EHD4: variants seen among roughly 807,000 people sequenced by gnomAD.
EHD4 encodes EH domain containing 4, also known as EH domain-containing protein 4.
In EHD4, 37 loss-of-function variants were observed where a neutral mutation model predicts 51.0. The ratio of observed to expected loss-of-function variants is 0.73; its 90% CI spans 0.56 to 0.95. The LOEUF is 0.95. EHD4 is among the 40% of genes least tolerant of loss of function. The probability of loss-of-function intolerance (pLI) is 0.00; values close to 1 mark genes in which losing one functional copy is unlikely to be tolerated. For synonymous variants in EHD4, 297 were observed against 317.3 expected (o/e 0.94, Z 0.68); for missense variants, 632 against 733.1 (o/e 0.86, Z 1.59).
At chr15:41,904,197 C>A (rs2067497317) in intron 5 of EHD4, among the ~76,000 whole-genome samples, 1 of 152,186 alleles carries the variant, frequency 6.6e-6, no homozygotes. Flanking sequence ...TGATGCCTGC[C>A]CAAACTTCCC....
At chr15:41,952,394 G>A (rs368103002) in intron 2 of EHD4, among the ~76,000 whole-genome samples, 20 of 152,268 alleles carry the variant, frequency 1.3e-4, no homozygotes, top group East Asian at 9.6e-4. Flanking sequence ...TCAGCCACAC[G>A]AAAGCTAGAC....
At chr15:41,934,343 G>A (rs1286701608) in intron 3 of EHD4, among the ~76,000 whole-genome samples, 1 of 147,934 alleles carries the variant, frequency 6.8e-6, no homozygotes, top group Non-Finnish European at 1.5e-5. Context: ...AATAAATGGA[G>A]TTTTGCTCTG....
At chr15:41,944,478 C>T (rs1166723620) in intron 2 of EHD4, among the ~76,000 whole-genome samples, 1 of 152,170 alleles carries the variant, frequency 6.6e-6, no homozygotes, top group East Asian at 1.9e-4. Context: ...AGTAAAAATG[C>T]TGGGAATGCA....
chr15:41,953,644 A>G (rs2067867309), intron 2 of EHD4, 120 bp downstream of exon 2: 2 of 1,095,596 alleles, frequency 1.8e-6, no homozygotes, highest in Non-Finnish European at 2.6e-6. Context: ...CATATTTTGT[A>G]TGACTTCTAG....
At chr15:41,913,584 G>T (rs2067563874) in intron 4 of EHD4, among the ~76,000 whole-genome samples, 1 of 152,184 alleles carries the variant, frequency 6.6e-6, no homozygotes, top group Admixed American at 6.5e-5. Flanking sequence ...GAGAATAAAA[G>T]AGGTCATGTA....
chr15:41,971,839 AAATG>A (rs1422307571), intron 1 of EHD4, among the ~76,000 whole-genome samples: 1 of 152,256 alleles, frequency 6.6e-6, no homozygotes, highest in Admixed American at 6.5e-5. Context: ...ATAGTTGAAC[AAATG>A]AATAGTTAAA....
At chr15:41,965,546 A>G (rs2067956160) in intron 1 of EHD4, among the ~76,000 whole-genome samples, 1 of 152,164 alleles carries the variant, frequency 6.6e-6, no homozygotes, top group Admixed American at 6.5e-5. Context: ...AGGGCACATA[A>G]GAATTACTGT....
chr15:41,919,657 T>C (rs761956323), intron 3 of EHD4, 35 bp from the exon 4 acceptor site: 16 of 1,490,726 alleles, frequency 1.1e-5, no homozygotes, highest in Non-Finnish European at 1.4e-5. Flanking sequence ...GTGTAGCCAC[T>C]GCTGCAGGAG....
chr15:41,954,018 A>T, intron 1 of EHD4, 78 bp from the exon 2 acceptor site: 1 of 1,446,104 alleles, frequency 6.9e-7, no homozygotes, highest in Admixed American at 2.1e-5. Flanking sequence ...GGGATTACCA[A>T]TTTTTTTACA....
intron 3 of EHD4, among the ~76,000 whole-genome samples, chr15:41,931,983 CT>C (rs919566936): frequency 4.3e-4 from 64 of 147,394 alleles, no homozygotes; most frequent in African/African-American, 5.9e-4. Flanking sequence ...CCAGCAATTT[CT>C]TTTTTTTTTT....
chr15:41,913,173 A>G (rs2067561130), intron 4 of EHD4, among the ~76,000 whole-genome samples: 1 of 152,226 alleles, frequency 6.6e-6, no homozygotes, highest in African/African-American at 2.4e-5. Flanking sequence ...AGCTGCTGGC[A>G]GGATGGCATC....
chr15:41,947,158 G>T (rs2067820507), intron 2 of EHD4, among the ~76,000 whole-genome samples: 1 of 152,174 alleles, frequency 6.6e-6, no homozygotes, highest in Non-Finnish European at 1.5e-5. Context: ...TCACTCCTGG[G>T]CTACTATCAC....
At chr15:41,953,987 T>C in intron 1 of EHD4, 47 bp from the exon 2 acceptor site, 1 of 1,592,518 alleles carries the variant, frequency 6.3e-7, no homozygotes, top group Non-Finnish European at 8.5e-7. Context: ...TATCACAAAG[T>C]AAGAGGCCAG....
At chr15:41,967,928 C>G (rs2067970929) in intron 1 of EHD4, among the ~76,000 whole-genome samples, 1 of 152,216 alleles carries the variant, frequency 6.6e-6, no homozygotes, top group African/African-American at 2.4e-5. Context: ...TCGCCTGTGG[C>G]AGGCCCTGGG....
chr15:41,921,961 A>C (rs760674809), intron 3 of EHD4, among the ~76,000 whole-genome samples: 2 of 152,198 alleles, frequency 1.3e-5, no homozygotes, highest in Non-Finnish European at 2.9e-5. Flanking sequence ...GAATTTACTC[A>C]TGGTGGTGGC....
chr15:41,964,768 A>ATAT (rs201772585), intron 1 of EHD4, among the ~76,000 whole-genome samples: 18 of 85,644 alleles, frequency 2.1e-4, no homozygotes, highest in South Asian at 8.2e-4. Flanking sequence ...TGAAAAAAAA[A>ATAT]AAAAATATAT....
intron 1 of EHD4, among the ~76,000 whole-genome samples, chr15:41,971,624 A>C (rs538250978): frequency 3.3e-5 from 5 of 152,352 alleles, no homozygotes; most frequent in South Asian, 4.1e-4. Flanking sequence ...AACAAATAGT[A>C]ATATGACACT....
chr15:41,946,269 T>C (rs952393019), intron 2 of EHD4, among the ~76,000 whole-genome samples: 5 of 152,230 alleles, frequency 3.3e-5, no homozygotes, highest in African/African-American at 1.2e-4. Flanking sequence ...TGTTGTCTTC[T>C]GAAGTAAGAG....
At position 41,964,834 on chromosome 15, in the gene EHD4, C is replaced by T. The variant is rs1204585006; in HGVS notation, c.236+7425G>A. On this transcript the variant is annotated intron_variant, in intron 1 of 5. Transcript: ENST00000220325. ...TTGCCCAGACTGGAGTTCAGTGGTG[C>T]AATCTCAGCTTACTGCAGCCTCGAC... is the stretch of plus-strand genomic sequence containing the variant. 2.6e-5 allele frequency among the ~76,000 whole-genome samples: 4 copies of T among 151,424 alleles called. No homozygotes were observed. The East Asian group carries it at 7.7e-4, about 29-fold the overall frequency.
Sources: allele counts gnomAD v4.1 joint callset (sites outside exome capture counted in the v4.1 genomes callset), GRCh38; gene constraint gnomAD v4.1.1; transcripts MANE v1.5; gene names NCBI Gene and HGNC (gene_info 2026-07-23, HGNC 2026-07-21).